TAS2R1: variants seen among roughly 807,000 people sequenced by gnomAD.
TAS2R1 encodes taste receptor type 2 member 1.
For missense variants in TAS2R1, 370 were observed against 353.4 expected, an observed-to-expected ratio of 1.05 and a Z score of -0.38; for synonymous variants, 141 against 134.2, an observed-to-expected ratio of 1.05 and a Z score of -0.35.
At chr5:9,685,668 T>G (rs1414951323) in intron 1 of TAS2R1, among the ~76,000 whole-genome samples, 1 of 152,086 alleles carries the variant, frequency 6.6e-6, no homozygotes, top group Non-Finnish European at 1.5e-5. Context: ...CAAACACCCA[T>G]CCAGGTCTGA....
At chr5:9,651,754 C>T (rs1393261321) in intron 2 of TAS2R1, among the ~76,000 whole-genome samples, 1 of 152,070 alleles carries the variant, frequency 6.6e-6, no homozygotes, top group African/African-American at 2.4e-5. Context: ...AGACCAGAAG[C>T]AACTTATGAC....
chr5:9,785,072 T>C, the TAS2R1 span, among the ~76,000 whole-genome samples: 1 of 152,142 alleles, frequency 6.6e-6, no homozygotes, highest in South Asian at 2.1e-4. Context: ...CATAAAGACA[T>C]AGACATATAA....
intron 1 of TAS2R1, among the ~76,000 whole-genome samples, chr5:9,677,389 C>T (rs978821539): frequency 4.0e-5 from 6 of 151,800 alleles, no homozygotes; most frequent in Admixed American, 3.9e-4. Context: ...CAAACCTGTA[C>T]TTGTACCCTT....
At chr5:9,772,614 G>C in the TAS2R1 span, among the ~76,000 whole-genome samples, 10 of 152,146 alleles carry the variant, frequency 6.6e-5, no homozygotes, top group African/African-American at 2.4e-4. Context: ...CTCCAGCTAT[G>C]ATTGTATTGG....
the TAS2R1 span, among the ~76,000 whole-genome samples, chr5:9,840,857 A>ATTTTTTTTTTT: frequency 2.3e-5 from 3 of 132,092 alleles, no homozygotes; most frequent in African/African-American, 8.4e-5. Context: ...TTATTTATTT[A>ATTTTTTTTTTT]TTTTTTTTTT....
At chr5:9,777,880 T>G in the TAS2R1 span, among the ~76,000 whole-genome samples, 1 of 151,074 alleles carries the variant, frequency 6.6e-6, no homozygotes, top group South Asian at 2.1e-4. Flanking sequence ...GCCAGGTGTT[T>G]TTTTTTTTTT....
the TAS2R1 span, among the ~76,000 whole-genome samples, chr5:9,811,235 C>T: frequency 2.6e-5 from 4 of 152,156 alleles, no homozygotes; most frequent in Non-Finnish European, 5.9e-5. Context: ...CTGGTCCTCA[C>T]CAGACACTGA....
At chr5:9,705,167 G>A (rs754870337) in intron 1 of TAS2R1, among the ~76,000 whole-genome samples, 18 of 152,112 alleles carry the variant, frequency 1.2e-4, no homozygotes, top group Non-Finnish European at 2.2e-4. Context: ...AGAAAATTGC[G>A]TGCAAGACAT....
intron 2 of TAS2R1, among the ~76,000 whole-genome samples, chr5:9,642,303 G>A (rs979217156): frequency 1.2e-4 from 18 of 152,006 alleles, no homozygotes; most frequent in African/African-American, 4.3e-4. Flanking sequence ...CATTATCAAG[G>A]GAACAATTCC....
intron 1 of TAS2R1, among the ~76,000 whole-genome samples, chr5:9,665,369 G>T (rs1469627187): frequency 6.6e-6 from 1 of 152,156 alleles, no homozygotes. Flanking sequence ...CATCTACAAA[G>T]TCTCTTTTCC....
chr5:9,802,662 G>A, the TAS2R1 span, among the ~76,000 whole-genome samples: 30 of 152,240 alleles, frequency 2.0e-4, no homozygotes, highest in African/African-American at 6.3e-4. Context: ...CAGCAATTTC[G>A]GAGGCCAAGG....
intron 1 of TAS2R1, among the ~76,000 whole-genome samples, chr5:9,707,469 T>C (rs958806777): frequency 1.3e-5 from 2 of 152,172 alleles, no homozygotes; most frequent in African/African-American, 2.4e-5. Flanking sequence ...AAAGTGCTGA[T>C]GTTGGGAGTT....
the TAS2R1 span, among the ~76,000 whole-genome samples, chr5:9,735,243 C>T: frequency 1.3e-5 from 2 of 151,568 alleles, no homozygotes; most frequent in Admixed American, 6.6e-5. Flanking sequence ...TACAATTCAA[C>T]GTGAGATTTG....
At chr5:9,719,718 G>A in the TAS2R1 span, among the ~76,000 whole-genome samples, 4 of 151,808 alleles carry the variant, frequency 2.6e-5, no homozygotes, top group African/African-American at 7.3e-5. Context: ...CACGAGGTCA[G>A]GAAATCGAGA....
chr5:9,715,675 A>G (rs1372506941), upstream of TAS2R1, among the ~76,000 whole-genome samples: 1 of 152,192 alleles, frequency 6.6e-6, no homozygotes, highest in Non-Finnish European at 1.5e-5. Flanking sequence ...GGTGAGGAGA[A>G]GGAAGGAGAC....
chr5:9,852,052 C>T, the TAS2R1 span, among the ~76,000 whole-genome samples: 1 of 152,164 alleles, frequency 6.6e-6, no homozygotes, highest in African/African-American at 2.4e-5. Context: ...GGCTATCTCA[C>T]TGTGACAGCT....
chr5:9,725,338 G>A, the TAS2R1 span, among the ~76,000 whole-genome samples: 7 of 152,360 alleles, frequency 4.6e-5, no homozygotes, highest in Middle Eastern at 3.4e-3. Flanking sequence ...CCGGGGCTGC[G>A]CGCGGAGCTT....
At chr5:9,808,788 C>T in the TAS2R1 span, among the ~76,000 whole-genome samples, 7,568 of 152,180 alleles carry the variant, frequency 0.05, 328 homozygotes, top group East Asian at 0.15. Flanking sequence ...ATGAGGTGGA[C>T]CTAGTTCCTC....
intron 2 of TAS2R1, among the ~76,000 whole-genome samples, chr5:9,655,623 G>T (rs1186357242): frequency 6.6e-6 from 1 of 152,074 alleles, no homozygotes; most frequent in African/African-American, 2.4e-5. Context: ...GATGGGCCAA[G>T]GGCTAATATA....
Sources: allele counts gnomAD v4.1 joint callset (sites outside exome capture counted in the v4.1 genomes callset), GRCh38; gene constraint gnomAD v4.1.1; transcripts MANE v1.5; gene names NCBI Gene and HGNC (gene_info 2026-07-23, HGNC 2026-07-21).